AGBL4: variants seen among roughly 807,000 people sequenced by gnomAD.
AGBL4 encodes the protein AGBL carboxypeptidase 4.
A neutral mutation model predicts 66.4 loss-of-function variants in AGBL4; 58 were observed. That is an observed-to-expected ratio of 0.87 (90% confidence interval 0.71 to 1.09). AGBL4 has a LOEUF of 1.09. Ranked by LOEUF, AGBL4 falls within the 50% of genes least tolerant of loss-of-function variation. The pLI is 0.00. For missense variants in AGBL4, 579 were observed against 631.0 expected, an observed-to-expected ratio of 0.92 and a Z score of 0.88; for synonymous variants, 234 against 222.9, an observed-to-expected ratio of 1.05 and a Z score of -0.44.
chr1:48,751,066 T>C (rs539024630), intron 6 of AGBL4, among the ~76,000 whole-genome samples: 1 of 152,200 alleles, frequency 6.6e-6, no homozygotes, highest in African/African-American at 2.4e-5. Flanking sequence ...TGATTCCACA[T>C]GGCATAGATA....
At chr1:48,614,147 T>C (rs762088257) in intron 9 of AGBL4, among the ~76,000 whole-genome samples, 3 of 152,170 alleles carry the variant, frequency 2.0e-5, no homozygotes, top group Non-Finnish European at 2.9e-5. Flanking sequence ...AGTCAAAGAA[T>C]TGAGGTTTAT....
intron 1 of AGBL4, among the ~76,000 whole-genome samples, chr1:49,888,031 C>A (rs1277453033): frequency 6.6e-6 from 1 of 152,046 alleles, no homozygotes; most frequent in Non-Finnish European, 1.5e-5. Context: ...ATAATTTTTT[C>A]AGATATTTTC....
chr1:49,258,052 G>A (rs1011866842), intron 3 of AGBL4, among the ~76,000 whole-genome samples: 1 of 152,182 alleles, frequency 6.6e-6, no homozygotes, highest in Non-Finnish European at 1.5e-5. Flanking sequence ...CAGGCAAACA[G>A]GGTCTGGAGT....
intron 5 of AGBL4, among the ~76,000 whole-genome samples, chr1:48,872,819 TAA>T (rs1425758367): frequency 1.3e-5 from 2 of 152,054 alleles, no homozygotes; most frequent in Admixed American, 1.3e-4. Context: ...TACTCAGCCA[TAA>T]AAAGAGCGTA....
At chr1:49,224,633 A>AG (rs1023212323) in intron 4 of AGBL4, among the ~76,000 whole-genome samples, 20 of 150,788 alleles carry the variant, frequency 1.3e-4, no homozygotes, top group African/African-American at 4.4e-4. Flanking sequence ...AAAAAAAAAA[A>AG]AAAGAAATTC....
intron 3 of AGBL4, among the ~76,000 whole-genome samples, chr1:49,305,436 C>A (rs6702977): frequency 6.6e-6 from 1 of 151,872 alleles, no homozygotes; most frequent in Non-Finnish European, 1.5e-5. Context: ...TCCAAAAACA[C>A]GAGTTTCACA....
intron 4 of AGBL4, among the ~76,000 whole-genome samples, chr1:49,220,565 C>T (rs921739405): frequency 1.3e-5 from 2 of 151,932 alleles, no homozygotes; most frequent in Non-Finnish European, 2.9e-5. Flanking sequence ...TTTTTCTTCC[C>T]TTTTTCCACC....
chr1:48,540,034 C>T (rs1644039524), intron 11 of AGBL4, among the ~76,000 whole-genome samples: 1 of 152,148 alleles, frequency 6.6e-6, no homozygotes, highest in Admixed American at 6.5e-5. Context: ...AACCCAAAGC[C>T]TGTGCTCATA....
intron 5 of AGBL4, among the ~76,000 whole-genome samples, chr1:48,885,914 T>G (rs1650277370): frequency 6.6e-6 from 1 of 152,192 alleles, no homozygotes; most frequent in South Asian, 2.1e-4. Flanking sequence ...CAAATGGTAT[T>G]GCAACCATCA....
chr1:49,062,672 T>A (rs1243191678), intron 4 of AGBL4, among the ~76,000 whole-genome samples: 1 of 152,178 alleles, frequency 6.6e-6, no homozygotes, highest in East Asian at 1.9e-4. Context: ...ATTTTAATCA[T>A]GTTCTCAATG....
intron 3 of AGBL4, chr1:49,471,946 C>T (rs1275636272): frequency 6.6e-6 from 1 of 152,034 alleles, no homozygotes; most frequent in Admixed American, 6.6e-5. Flanking sequence ...TCCACCTACA[C>T]CACTATGGTG....
At chr1:50,011,541 A>G (rs530149415) in intron 1 of AGBL4, among the ~76,000 whole-genome samples, 30 of 152,206 alleles carry the variant, frequency 2.0e-4, no homozygotes, top group Non-Finnish European at 3.2e-4. Context: ...GTATATAACC[A>G]AAAGAAAGGA....
At chr1:48,873,921 G>C (rs1056332901) in intron 5 of AGBL4, among the ~76,000 whole-genome samples, 2 of 152,204 alleles carry the variant, frequency 1.3e-5, no homozygotes, top group South Asian at 2.1e-4. Flanking sequence ...GAGAAGGGAC[G>C]TGTTGTTCTG....
intron 6 of AGBL4, among the ~76,000 whole-genome samples, chr1:48,694,004 G>A (rs1000029488): frequency 4.4e-5 from 6 of 137,608 alleles, no homozygotes; most frequent in East Asian, 2.2e-4. Flanking sequence ...CTTACGTTCC[G>A]CCTTTGTACC....
At chr1:49,148,501 G>A (rs1288066521) in intron 4 of AGBL4, among the ~76,000 whole-genome samples, 2 of 152,164 alleles carry the variant, frequency 1.3e-5, no homozygotes, top group Non-Finnish European at 2.9e-5. Context: ...TGAGCCAGGC[G>A]CAGTAGTGCC....
At chr1:48,849,579 C>T (rs943487954) in intron 6 of AGBL4, among the ~76,000 whole-genome samples, 11 of 152,248 alleles carry the variant, frequency 7.2e-5, no homozygotes, top group African/African-American at 2.7e-4. Flanking sequence ...ATCTACTCCT[C>T]ACTCCCACCT....
intron 3 of AGBL4, among the ~76,000 whole-genome samples, chr1:49,517,359 C>A (rs1390713761): frequency 6.6e-6 from 1 of 151,692 alleles, no homozygotes; most frequent in Non-Finnish European, 1.5e-5. Context: ...ATGGGTATTT[C>A]TCCTAGTATC....
chr1:48,927,049 T>C (rs1654636909), intron 5 of AGBL4, among the ~76,000 whole-genome samples: 1 of 152,082 alleles, frequency 6.6e-6, no homozygotes, highest in South Asian at 2.1e-4. Flanking sequence ...GTCTGTATCA[T>C]TATGTACCTG....
intron 2 of AGBL4, among the ~76,000 whole-genome samples, chr1:49,804,219 A>G (rs1644927303): frequency 6.6e-6 from 1 of 152,210 alleles, no homozygotes; most frequent in Non-Finnish European, 1.5e-5. Flanking sequence ...GCCGTGTCCA[A>G]CCCTTTGAAT....
Sources: gnomAD v4.1 joint callset for allele counts (sites outside exome capture counted in the v4.1 genomes callset) on GRCh38, gnomAD v4.1.1 for gene constraint, MANE v1.5 for transcripts, NCBI Gene and HGNC (gene_info 2026-07-23, HGNC 2026-07-21) for gene names.